Variants in RPF2 observed in about 807,000 individuals in gnomAD.
RPF2 encodes brix domain containing 1.
RPF2 carries 21 observed loss-of-function variants against 38.9 expected under a neutral mutation model. The observed-to-expected ratio is 0.54, with a 90% CI of 0.38 to 0.78. The LOEUF (loss-of-function observed/expected upper bound fraction) is 0.78. Ranked by LOEUF, RPF2 falls within the 30% of genes least tolerant of loss-of-function variation. The probability of loss-of-function intolerance (pLI) is 0.00; values close to 1 mark genes in which losing one functional copy is unlikely to be tolerated. For missense variants in RPF2, 314 were observed against 358.1 expected (o/e 0.88, Z 0.99); for synonymous variants, 121 against 126.2 (o/e 0.96, Z 0.28).
intron 5 of RPF2, 93 bp from the exon 6 acceptor site, chr6:110,999,618 A>G: frequency 1.3e-6 from 1 of 747,938 alleles, no homozygotes; most frequent in East Asian, 2.5e-5. Context: ...AAAGAGGCAG[A>G]TATTAGGACA....
chr6:111,009,743 G>C (rs927335241), intron 7 of RPF2, among the ~76,000 whole-genome samples: 2 of 151,940 alleles, frequency 1.3e-5, no homozygotes, highest in African/African-American at 4.8e-5. Context: ...GCTCAATCAT[G>C]GCTCATTGCA....
At chr6:110,984,378 A>C (rs557681835) in intron 1 of RPF2, among the ~76,000 whole-genome samples, 1 of 152,312 alleles carries the variant, frequency 6.6e-6, no homozygotes, top group African/African-American at 2.4e-5. Flanking sequence ...GAGAAAAAAA[A>C]CAGCAACAGT....
chr6:110,996,128 T>G (rs1015049129), intron 4 of RPF2, among the ~76,000 whole-genome samples: 12 of 151,188 alleles, frequency 7.9e-5, no homozygotes, highest in Admixed American at 7.3e-4. Flanking sequence ...AGATAAGTTT[T>G]TTTTTTTTTT....
At chr6:110,986,880 G>T (rs1371176245) in intron 2 of RPF2, among the ~76,000 whole-genome samples, 1 of 151,498 alleles carries the variant, frequency 6.6e-6, no homozygotes, top group Non-Finnish European at 1.5e-5. Flanking sequence ...TTGGACCTGG[G>T]AGATGGAGGT....
At chr6:111,016,177 CAAATCT>C (rs1452244115) in intron 8 of RPF2, among the ~76,000 whole-genome samples, 1 of 152,164 alleles carries the variant, frequency 6.6e-6, no homozygotes, top group Non-Finnish European at 1.5e-5. Context: ...CTAGGCAAAG[CAAATCT>C]CAAAACCCTA....
chr6:111,010,465 T>C (rs1224069913), intron 7 of RPF2, among the ~76,000 whole-genome samples: 3 of 152,182 alleles, frequency 2.0e-5, no homozygotes, highest in African/African-American at 7.2e-5. Flanking sequence ...AATTTTTTGC[T>C]TCTTTTCCCT....
At chr6:111,002,675 A>C (rs976898856) in intron 6 of RPF2, among the ~76,000 whole-genome samples, 2 of 151,936 alleles carry the variant, frequency 1.3e-5, no homozygotes, top group African/African-American at 4.8e-5. Context: ...TGAACACTAC[A>C]TTTTCACTCA....
chr6:110,987,339 G>C (rs1488251874), intron 2 of RPF2, among the ~76,000 whole-genome samples: 3 of 152,166 alleles, frequency 2.0e-5, no homozygotes, highest in Admixed American at 6.6e-5. Flanking sequence ...GATTACAGGA[G>C]TGAGCCACCA....
At chr6:110,982,867 GGTATT>G (rs1771456759) in intron 1 of RPF2, among the ~76,000 whole-genome samples, 1 of 152,176 alleles carries the variant, frequency 6.6e-6, no homozygotes, top group Admixed American at 6.5e-5. Context: ...TAGTTTACTA[GGTATT>G]GGGACTAGTT....
chr6:110,989,316 G>A (rs967357765), intron 3 of RPF2, among the ~76,000 whole-genome samples: 2 of 152,034 alleles, frequency 1.3e-5, no homozygotes, highest in African/African-American at 4.8e-5. Flanking sequence ...AAATAATGCA[G>A]AATTCCCATA....
chr6:111,015,913 G>A (rs1195506530), intron 8 of RPF2, 57 bp downstream of exon 8: 1 of 1,314,670 alleles, frequency 7.6e-7, no homozygotes, highest in Non-Finnish European at 1.1e-6. Flanking sequence ...TTAAAACTGT[G>A]TGACTGTTTT....
intron 8 of RPF2, among the ~76,000 whole-genome samples, chr6:111,018,214 G>GAGGGA (rs1772166459): frequency 1.4e-5 from 2 of 145,452 alleles, no homozygotes; most frequent in African/African-American, 5.5e-5. Context: ...AGGGGGAGGG[G>GAGGGA]GAGGGAGAGG....
At chr6:110,987,071 TTTG>T (rs1281828128) in intron 2 of RPF2, among the ~76,000 whole-genome samples, 1 of 152,054 alleles carries the variant, frequency 6.6e-6, no homozygotes, top group Non-Finnish European at 1.5e-5. Flanking sequence ...CGAATACATT[TTTG>T]TTGTTGTTAT....
chr6:110,990,474 G>A (rs1015770072), intron 3 of RPF2, among the ~76,000 whole-genome samples: 5 of 149,796 alleles, frequency 3.3e-5, no homozygotes, highest in Non-Finnish European at 7.4e-5. Context: ...CTACAAAAAT[G>A]TTGTGCTTTC....
At chr6:111,011,276 TTTTC>T (rs71553323) in intron 7 of RPF2, among the ~76,000 whole-genome samples, 24,947 of 133,220 alleles carry the variant, frequency 0.19, 2,188 homozygotes, top group South Asian at 0.32. Flanking sequence ...TCAAGGGTAT[TTTTC>T]TTTCTTTCTT....
At position 110,991,192 on chromosome 6, in the gene RPF2, G is replaced by A. The variant is rs187447527; in HGVS notation, c.195-555G>A. On this transcript the variant is annotated intron_variant, in intron 3 of 9. Coordinates refer to ENST00000441448, the MANE Select transcript of RPF2 (RefSeq NM_032194.3). The stretch of plus-strand genomic sequence containing the variant: ...TTGCATATACTTTAAATCATCTCTC[G>A]ATTACTTATAATATCTAATATAATG... Among the ~76,000 whole-genome samples, 35 of 151,876 alleles carry A rather than the reference G, an allele frequency of 2.3e-4. 1 individual carries two copies. The East Asian group carries it at 6.4e-3, about 28-fold the overall frequency.
intron 4 of RPF2, among the ~76,000 whole-genome samples, chr6:110,993,552 A>C (rs890032958): frequency 6.6e-6 from 1 of 152,134 alleles, no homozygotes; most frequent in Admixed American, 6.6e-5. Context: ...GTACTTAATC[A>C]AGGCCTGGTT....
rs750907964 is a variant in RPF2, at chr6:111,008,135, T to C, written c.491T>C (p.Ile164Thr). 2 of 1,596,272 alleles carry C rather than the reference T, an allele frequency of 1.3e-6. No homozygotes were observed. Among genetic ancestry groups the C allele is most frequent in the East Asian group, 2.3e-5 (1 of 44,046 alleles). The change falls in exon 7 of 10, where the codon ATT becomes ACT. Residue 164 changes from isoleucine to threonine, a missense_variant and splice_region_variant. By Grantham distance (89) the Ile-to-Thr change is moderately conservative. Coordinates refer to ENST00000441448, the MANE Select transcript of RPF2 (RefSeq NM_032194.3). ...EDYRRLKSLL[I>T]DFFRGPTVSN... is the part of the protein sequence containing the mutation. ...TATAGAAGACTAAAAAGTCTTCTTA[T>C]TGGTAAGTATTTTAGTATTTATTAT...
At position 111,025,511 on chromosome 6, in the gene RPF2, T is replaced by C. The variant is rs150564716; in HGVS notation, c.850T>C (p.Leu284=). ...ACTACAAACCAGGAAAATGAAGGGG[T>C]TGAAGAAGCGACCTGCAGAAAGGAT... is the stretch of plus-strand genomic sequence containing the variant. ...SKLQTRKMKG[L]KKRPAERITE... The change falls in exon 10 of 10, where the codon TTG becomes CTG. Residue 284 remains leucine (L), a synonymous_variant. Transcript: ENST00000441448. The C allele has an allele frequency of 1.4e-5, 22 of 1,613,462 alleles. No homozygotes were observed. The African/African-American group carries it at 2.4e-4, about 18-fold the overall frequency.
Sources: allele counts gnomAD v4.1 joint callset (sites outside exome capture counted in the v4.1 genomes callset), GRCh38; gene constraint gnomAD v4.1.1; transcripts MANE v1.5; gene names NCBI Gene and HGNC (gene_info 2026-07-23, HGNC 2026-07-21).